MAGI2: variants seen among roughly 807,000 people sequenced by gnomAD.
MAGI2 encodes the protein membrane-associated guanylate kinase, WW and PDZ domain-containing protein 2.
MAGI2 carries 35 observed loss-of-function variants against 133.3 expected under a neutral mutation model. The ratio of observed to expected loss-of-function variants is 0.26; its 90% confidence interval spans 0.20 to 0.35. MAGI2 has a LOEUF of 0.35. Ranked by LOEUF, MAGI2 falls within the 10% of genes least tolerant of loss-of-function variation. The probability of loss-of-function intolerance (pLI) is 1.00; values close to 1 mark genes in which losing one functional copy is unlikely to be tolerated. For missense variants in MAGI2, 1,636 were observed against 1,863.4 expected (o/e 0.88, Z 2.25); for synonymous variants, 729 against 710.6 (o/e 1.03, Z -0.41).
intron 2 of MAGI2, among the ~76,000 whole-genome samples, chr7:78,684,437 G>A (rs1349679583): frequency 6.6e-6 from 1 of 152,108 alleles, no homozygotes; most frequent in Non-Finnish European, 1.5e-5. Flanking sequence ...ATGACTGGGT[G>A]GGAAGCACGT....
chr7:78,228,594 A>C (rs1300667548), intron 10 of MAGI2, among the ~76,000 whole-genome samples: 1 of 152,196 alleles, frequency 6.6e-6, no homozygotes, highest in Non-Finnish European at 1.5e-5. Flanking sequence ...CATTTTAGAA[A>C]TTTTTTAGAT....
At chr7:78,876,901 T>TTCAA (rs1795469176) in intron 2 of MAGI2, among the ~76,000 whole-genome samples, 1 of 152,158 alleles carries the variant, frequency 6.6e-6, no homozygotes, top group East Asian at 1.9e-4. Context: ...TATTTATTTA[T>TTCAA]AAGTGTGGAC....
intron 1 of MAGI2, among the ~76,000 whole-genome samples, chr7:79,393,788 T>C (rs921831858): frequency 3.9e-5 from 6 of 152,190 alleles, no homozygotes; most frequent in Admixed American, 2.0e-4. Flanking sequence ...GAAAGTATTT[T>C]ACCTGGCCAC....
intron 2 of MAGI2, among the ~76,000 whole-genome samples, chr7:78,665,690 C>T (rs930287238): frequency 6.6e-6 from 1 of 151,818 alleles, no homozygotes; most frequent in African/African-American, 2.4e-5. Flanking sequence ...GTCATATCAA[C>T]AAATTAATAG....
intron 1 of MAGI2, among the ~76,000 whole-genome samples, chr7:79,115,854 GTT>G (rs59398227): frequency 0.093 from 8,702 of 93,594 alleles, 569 homozygotes; most frequent in Admixed American, 0.12. Flanking sequence ...ATGTTTTAAA[GTT>G]TTTTTTTTTT....
chr7:79,146,466 T>C (rs1264020415), intron 1 of MAGI2, among the ~76,000 whole-genome samples: 1 of 152,216 alleles, frequency 6.6e-6, no homozygotes, highest in Non-Finnish European at 1.5e-5. Flanking sequence ...TATGACTTAA[T>C]GGATGGTGTG....
Position 79,238,631 on chromosome 7 carries a change from T to G in MAGI2, c.301+214389A>C, listed in dbSNP as rs556876792. 5.6e-4 allele frequency among the ~76,000 whole-genome samples: 86 copies of G among 152,294 alleles called. 2 individuals are homozygous for G. The highest frequency in any genetic ancestry group is 2.0e-3 in the African/African-American group (83 of 41,590). ...GTTTTAAGGAACTGCAGTCAGTACA[T>G]ATGAAGTATCTCTCATCATTAAGAG... On this transcript the variant is annotated intron_variant, in intron 1 of 21. Coordinates refer to ENST00000354212, the MANE Select transcript of MAGI2 (RefSeq NM_012301.4).
intron 2 of MAGI2, among the ~76,000 whole-genome samples, chr7:78,996,933 G>A (rs566654752): frequency 1.3e-5 from 2 of 151,456 alleles, no homozygotes; most frequent in Non-Finnish European, 2.9e-5. Context: ...CCTGTAAATT[G>A]AAATGTAGTG....
chr7:79,279,622 T>C (rs769574391), intron 1 of MAGI2, among the ~76,000 whole-genome samples: 1 of 152,164 alleles, frequency 6.6e-6, no homozygotes, highest in Non-Finnish European at 1.5e-5. Flanking sequence ...TGAGCCCTGA[T>C]TGAGCTACGG....
intron 1 of MAGI2, among the ~76,000 whole-genome samples, chr7:79,059,214 C>G (rs373892453): frequency 2.0e-5 from 3 of 151,748 alleles, no homozygotes; most frequent in East Asian, 3.9e-4. Flanking sequence ...TTTTTTGTAG[C>G]ACAATTTATA....
Position 78,508,226 on chromosome 7 carries a change from G to A in MAGI2, c.755-6439C>T, listed in dbSNP as rs138424488. ...TGCAATGATCATATTTCCCAATAAA[G>A]TCACCATCTGAGATACTGGGGGTTT... On this transcript the variant is annotated intron_variant, in intron 4 of 21. Transcript: ENST00000354212. Among the ~76,000 whole-genome samples the A allele has an allele frequency of 1.7e-3, 264 of 151,676 alleles. 1 individual carries two copies. The highest frequency in any genetic ancestry group is 6.1e-3 in the African/African-American group (253 of 41,326).
chr7:78,508,704 T>C (rs915929842), intron 4 of MAGI2, among the ~76,000 whole-genome samples: 1 of 152,244 alleles, frequency 6.6e-6, no homozygotes, highest in Non-Finnish European at 1.5e-5. Context: ...GATCTGTGGT[T>C]TGAGAATTTC....
chr7:78,811,449 G>A (rs192776488), intron 2 of MAGI2, among the ~76,000 whole-genome samples: 8 of 151,590 alleles, frequency 5.3e-5, no homozygotes, highest in East Asian at 3.9e-4. Context: ...AATTTTATCC[G>A]GAATCTAGCA....
At chr7:78,409,616 T>C (rs547945833) in intron 6 of MAGI2, among the ~76,000 whole-genome samples, 65 of 152,250 alleles carry the variant, frequency 4.3e-4, no homozygotes, top group African/African-American at 1.4e-3. Context: ...CTTTGGTACA[T>C]TCTTTTAAAG....
At chr7:78,692,066 A>G (rs1193858037) in intron 2 of MAGI2, among the ~76,000 whole-genome samples, 3 of 152,198 alleles carry the variant, frequency 2.0e-5, no homozygotes. Flanking sequence ...TCTAAAAAAA[A>G]ATAAGGTCTT....
intron 10 of MAGI2, among the ~76,000 whole-genome samples, chr7:78,223,738 T>G (rs1275763325): frequency 6.6e-6 from 1 of 152,182 alleles, no homozygotes; most frequent in African/African-American, 2.4e-5. Flanking sequence ...CTGCCCCTTT[T>G]TTTTCACAAT....
intron 6 of MAGI2, among the ~76,000 whole-genome samples, chr7:78,374,398 T>A (rs1562907194): frequency 6.6e-6 from 1 of 152,200 alleles, no homozygotes; most frequent in Non-Finnish European, 1.5e-5. Context: ...TGCCCATTTT[T>A]AAATAAAGTT....
At chr7:79,136,024 A>AGAAAGAAAGAAAGAAAGAAAGAAAGAAG (rs1554375928) in intron 1 of MAGI2, among the ~76,000 whole-genome samples, 4 of 126,914 alleles carry the variant, frequency 3.2e-5, no homozygotes, top group African/African-American at 1.1e-4. Flanking sequence ...AAAGAAAGAA[A>AGAAAGAAAGAAAGAAAGAAAGAAAGAAG]GAAGGAAAGA....
intron 2 of MAGI2, among the ~76,000 whole-genome samples, chr7:78,662,503 T>A (rs1813078178): frequency 6.6e-6 from 1 of 152,238 alleles, no homozygotes; most frequent in African/African-American, 2.4e-5. Flanking sequence ...TTTTCTTTAA[T>A]AACACTTATG....
Sources: gnomAD v4.1 joint callset for allele counts (sites outside exome capture counted in the v4.1 genomes callset) on GRCh38, gnomAD v4.1.1 for gene constraint, MANE v1.5 for transcripts, NCBI Gene and HGNC (gene_info 2026-07-23, HGNC 2026-07-21) for gene names.